Variants in PMFBP1 observed in about 807,000 individuals in gnomAD.
PMFBP1 encodes the protein polyamine-modulated factor 1-binding protein 1.
Under a neutral mutation model 137.8 loss-of-function variants are expected in PMFBP1, and 131 were observed. That is an observed-to-expected ratio of 0.95 (90% CI 0.82 to 1.10). The LOEUF (loss-of-function observed/expected upper bound fraction) is 1.10. Ranked by LOEUF, PMFBP1 falls within the 50% of genes least tolerant of loss-of-function variation. The pLI, the probability that PMFBP1 is intolerant of heterozygous loss-of-function variation, is 0.00. For synonymous variants in PMFBP1, 490 were observed against 450.4 expected (o/e 1.09, Z -1.11); for missense variants, 1,199 against 1,175.4 (o/e 1.02, Z -0.29).
At chr16:72,150,210 G>T (rs1180302646) in intron 5 of PMFBP1, among the ~76,000 whole-genome samples, 1 of 152,112 alleles carries the variant, frequency 6.6e-6, no homozygotes, top group East Asian at 1.9e-4. Context: ...GAAAAGATTG[G>T]ACATTGTTAG....
At chr16:72,174,087 A>C (rs991429537), upstream of PMFBP1, 3 of 152,226 alleles carry the variant, frequency 2.0e-5, no homozygotes, top group Non-Finnish European at 4.4e-5. Context: ...AAATGATTGT[A>C]GTGAAAACAA....
At chr16:72,210,624 C>G in the PMFBP1 span, among the ~76,000 whole-genome samples, 1 of 152,140 alleles carries the variant, frequency 6.6e-6, no homozygotes, top group Non-Finnish European at 1.5e-5. Flanking sequence ...TCAAGCTTTG[C>G]TAATTGAAAT....
At chr16:72,171,081 C>G (rs1354281362) in intron 2 of PMFBP1, 116 bp downstream of exon 2, 1 of 1,256,148 alleles carries the variant, frequency 8.0e-7, no homozygotes, top group Non-Finnish European at 1.2e-6. Flanking sequence ...TGCTGCCCAC[C>G]TCTGTCCATG....
the PMFBP1 span, among the ~76,000 whole-genome samples, chr16:72,214,582 AAC>A: frequency 1.3e-5 from 2 of 152,234 alleles, no homozygotes; most frequent in African/African-American, 4.8e-5. Context: ...AGTGTCTAGA[AAC>A]AGTCATAAAA....
chr16:72,211,652 T>C, the PMFBP1 span, among the ~76,000 whole-genome samples: 1 of 152,198 alleles, frequency 6.6e-6, no homozygotes, highest in African/African-American at 2.4e-5. Context: ...GAAGATGTTA[T>C]GCAAAGAGAA....
the PMFBP1 span, among the ~76,000 whole-genome samples, chr16:72,191,611 GA>G: frequency 6.6e-6 from 1 of 152,184 alleles, no homozygotes; most frequent in East Asian, 1.9e-4. Flanking sequence ...GAAAAGTACA[GA>G]AGAATGGGTA....
upstream of PMFBP1, among the ~76,000 whole-genome samples, chr16:72,176,304 A>G (rs190527796): frequency 2.0e-5 from 3 of 152,162 alleles, no homozygotes; most frequent in East Asian, 5.8e-4. Context: ...CTAGGTGAAA[A>G]TGTCTCCCCC....
At chr16:72,225,712 A>ATT in the PMFBP1 span, among the ~76,000 whole-genome samples, 9,264 of 39,240 alleles carry the variant, frequency 0.24, 585 homozygotes, top group Admixed American at 0.39. Context: ...GACTGTTTAT[A>ATT]ATAATAATAA....
At chr16:72,199,104 T>C in the PMFBP1 span, among the ~76,000 whole-genome samples, 1 of 152,194 alleles carries the variant, frequency 6.6e-6, no homozygotes, top group South Asian at 2.1e-4. Flanking sequence ...GGACGCATGC[T>C]TCCCGGGCTT....
At chr16:72,129,798 T>A (rs1455106795) in intron 12 of PMFBP1, among the ~76,000 whole-genome samples, 5 of 152,202 alleles carry the variant, frequency 3.3e-5, no homozygotes, top group African/African-American at 4.8e-5. Flanking sequence ...GTCAATTAAT[T>A]TGCATGGATT....
chr16:72,165,637 C>A (rs1290794105), intron 2 of PMFBP1, among the ~76,000 whole-genome samples: 4 of 152,082 alleles, frequency 2.6e-5, no homozygotes, highest in Non-Finnish European at 5.9e-5. Flanking sequence ...CCAGGATGGT[C>A]AAGATCTCCT....
the PMFBP1 span, among the ~76,000 whole-genome samples, chr16:72,244,084 C>T: frequency 1.3e-5 from 2 of 151,958 alleles, no homozygotes; most frequent in Non-Finnish European, 2.9e-5. Context: ...AAACACAAAC[C>T]CTCAAAAACA....
intron 7 of PMFBP1, among the ~76,000 whole-genome samples, chr16:72,138,391 C>T (rs544213250): frequency 3.3e-5 from 5 of 152,342 alleles, no homozygotes; most frequent in Admixed American, 3.3e-4. Context: ...CAGCACCTGC[C>T]CAGCATGGCC....
chr16:72,213,607 C>A, the PMFBP1 span, among the ~76,000 whole-genome samples: 1 of 152,192 alleles, frequency 6.6e-6, no homozygotes, highest in Non-Finnish European at 1.5e-5. Context: ...TTAATCGCAT[C>A]CTTGTGAGAC....
At position 72,128,702 on chromosome 16, in the gene PMFBP1, G is replaced by C; in HGVS notation, c.2043C>G (p.Asn681Lys). 6.2e-7 allele frequency: 1 copy of C among 1,614,154 alleles called. No individual in the cohort carries two copies. Among genetic ancestry groups the C allele is most frequent in the South Asian group, 1.1e-5 (1 of 91,082 alleles). ...CCSTQLESSL[N>K]KYNTSQQVIQ... ...TGACTTGCTGGCTGGTGTTGTATTT[G>C]TTGAGAGAGGATTCCAGTTGTGTAG... The change falls in exon 14 of 21, where the codon AAC (asparagine) becomes AAG (lysine). Residue 681 changes from asparagine (N) to lysine (K), a missense_variant. Physicochemically the swap from Asn to Lys is moderately conservative, Grantham distance 94 (BLOSUM62 0). Transcript: ENST00000237353.
At chr16:72,162,206 G>A (rs1328122940) in intron 3 of PMFBP1, among the ~76,000 whole-genome samples, 3 of 152,176 alleles carry the variant, frequency 2.0e-5, no homozygotes, top group Non-Finnish European at 4.4e-5. Context: ...CAAATTTTAA[G>A]GAGGCACTCA....
intron 5 of PMFBP1, among the ~76,000 whole-genome samples, chr16:72,146,638 C>T (rs1468857994): frequency 6.6e-6 from 1 of 152,096 alleles, no homozygotes; most frequent in African/African-American, 2.4e-5. Context: ...TCGTCTCAGC[C>T]CCAAATCTCT....
intron 6 of PMFBP1, 69 bp downstream of exon 6, chr16:72,140,343 C>G: frequency 6.9e-7 from 1 of 1,450,176 alleles, no homozygotes; most frequent in South Asian, 1.2e-5. Context: ...TGACTCTTTT[C>G]CCCTCCTTTC....
the PMFBP1 span, among the ~76,000 whole-genome samples, chr16:72,225,587 C>A: frequency 6.6e-6 from 1 of 151,492 alleles, no homozygotes; most frequent in Admixed American, 6.6e-5. Context: ...GTGGTGCATG[C>A]CTAAAGTTTC....
Sources: allele counts gnomAD v4.1 joint callset (sites outside exome capture counted in the v4.1 genomes callset), GRCh38; gene constraint gnomAD v4.1.1; transcripts MANE v1.5; gene names NCBI Gene and HGNC (gene_info 2026-07-23, HGNC 2026-07-21).